SPTBN1: variants seen among roughly 807,000 people sequenced by gnomAD.
The protein encoded by SPTBN1 is spectrin beta chain, non-erythrocytic 1.
Under a neutral mutation model 266.4 loss-of-function variants are expected in SPTBN1, and 32 were observed. The ratio of observed to expected loss-of-function variants is 0.12; its 90% confidence interval spans 0.09 to 0.16. The LOEUF is 0.16. Ranked by LOEUF, SPTBN1 falls within the 10% of genes least tolerant of loss-of-function variation. The probability of loss-of-function intolerance (pLI) is 1.00; values close to 1 mark genes in which losing one functional copy is unlikely to be tolerated. For missense variants in SPTBN1, 2,296 were observed against 3,067.1 expected, an observed-to-expected ratio of 0.75 and a Z score of 5.94; for synonymous variants, 1,336 against 1,162.2, an observed-to-expected ratio of 1.15 and a Z score of -3.04.
chr2:54,581,343 C>G (rs554227050), intron 2 of SPTBN1, among the ~76,000 whole-genome samples: 92 of 152,194 alleles, frequency 6.0e-4, no homozygotes, highest in African/African-American at 2.1e-3. Flanking sequence ...AGGGGATGCT[C>G]TAAATTGAGG....
rs1043089265 is a variant in SPTBN1 at position 54,645,108 on chromosome 2, G to T, written c.4270-121G>T. The stretch of plus-strand genomic sequence containing the variant: ...AAAGCAAGTCAGTGGCAAAATGTTT[G>T]AGTGGCTCCCATGGCTGGCTTTGCG... On this transcript the variant is annotated intron_variant, in intron 20 of 35. Transcript: ENST00000356805. This position sits in a 1 kb window ranked among gnomAD's most constrained non-coding sequence, Gnocchi z 4.3. The T allele has an allele frequency of 2.1e-6, 2 of 953,760 alleles. No homozygotes were observed. The highest frequency in any genetic ancestry group is 2.5e-5 in the East Asian group (1 of 40,306). The allele number at this position is 953,760 out of a possible 1,614,324, so 59.1% of individuals were successfully genotyped here.
chr2:54,522,697 G>GAGAGAGAGAGAAAGAGAGAGAA (rs1553439438), intron 1 of SPTBN1, among the ~76,000 whole-genome samples: 1 of 97,270 alleles, frequency 1.0e-5, no homozygotes, highest in African/African-American at 4.1e-5. Context: ...GAGAGAGAGA[G>GAGAGAGAGAGAAAGAGAGAGAA]AGAAAGAAAG....
chr2:54,508,759 G>T (rs1434690712), intron 1 of SPTBN1, among the ~76,000 whole-genome samples: 3 of 152,160 alleles, frequency 2.0e-5, no homozygotes, highest in Non-Finnish European at 4.4e-5. Context: ...TGCTTTTTTA[G>T]CTATCTTATC....
intron 2 of SPTBN1, among the ~76,000 whole-genome samples, chr2:54,556,951 G>C (rs1032028719): frequency 6.6e-6 from 1 of 152,136 alleles, no homozygotes; most frequent in African/African-American, 2.4e-5. Flanking sequence ...CTTTTTCCAA[G>C]ACCAAGTGTT....
At chr2:54,578,639 A>G (rs11892443) in intron 2 of SPTBN1, among the ~76,000 whole-genome samples, 48,059 of 151,842 alleles carry the variant, frequency 0.32, 9,402 homozygotes, top group African/African-American at 0.56. Context: ...GTTCCCATTC[A>G]TTATGATCTA....
intron 2 of SPTBN1, among the ~76,000 whole-genome samples, chr2:54,559,691 A>C (rs1395971403): frequency 6.6e-6 from 1 of 152,160 alleles, no homozygotes; most frequent in Admixed American, 6.5e-5. Flanking sequence ...CAGAGCTTAT[A>C]CATGAAAAAA....
chr2:54,606,398 CTTTG>C (rs928966940), intron 3 of SPTBN1, among the ~76,000 whole-genome samples: 14 of 152,296 alleles, frequency 9.2e-5, no homozygotes, highest in Admixed American at 2.6e-4. Context: ...CATGAAGACA[CTTTG>C]TTTGTGATGG....
chr2:54,635,756 G>A (rs547219443), intron 17 of SPTBN1, among the ~76,000 whole-genome samples: 1 of 152,258 alleles, frequency 6.6e-6, no homozygotes, highest in South Asian at 2.1e-4. Context: ...TTGACTACTG[G>A]CAGGACTCCT....
Position 54,623,488 on chromosome 2 carries a change from G to C in SPTBN1, c.1074G>C (p.Glu358Asp). 6.2e-7 allele frequency: 1 copy of C among 1,614,018 alleles called. No homozygotes were observed. Among genetic ancestry groups the C allele is most frequent in the Non-Finnish European group, 8.5e-7 (1 of 1,179,908 alleles). Residue 358 changes from glutamate (E) to aspartate (D), a missense_variant, in exon 10 of 36, where the codon GAG becomes GAC. Physicochemically the swap from Glu to Asp is conservative, Grantham distance 45. This residue lies in a region of SPTBN1 where 148 missense variants were observed against 203.8 expected (regional missense o/e 0.73). Transcript: ENST00000356805. ...TTTCCCCTGTGTTTAGATTTACTGA[G>C]AAGGGGAACTTGGAAGTGCTGCTCT... ...RTVEKPPKFT[E>D]KGNLEVLLFT...
intron 2 of SPTBN1, among the ~76,000 whole-genome samples, chr2:54,581,488 C>A (rs1674898448): frequency 6.6e-6 from 1 of 151,842 alleles, no homozygotes; most frequent in Non-Finnish European, 1.5e-5. Context: ...CTTCCACTGC[C>A]TCTGGGCTGC....
Position 54,670,879 on chromosome 2 carries a change from G to A in SPTBN1, c.*2310G>A, listed in dbSNP as rs1056803445. On this transcript the variant is annotated 3_prime_UTR_variant, in exon 36 of 36. Coordinates refer to ENST00000356805, the MANE Select transcript of SPTBN1 (RefSeq NM_003128.3). The stretch of plus-strand genomic sequence containing the variant: ...AGCGTCAGAAGACCCCAGTCAAGAC[G>A]TGTTCGCCATCAGAGGTTACAGGCC... The A allele has an allele frequency of 7.5e-6, 3 of 398,344 alleles. No individual in the cohort carries two copies. Among genetic ancestry groups the A allele is most frequent in the Middle Eastern group, 6.2e-4 (1 of 1,610 alleles). The allele number at this position is 398,344 out of a possible 1,614,324, so 24.7% of individuals were successfully genotyped here.
At chr2:54,575,437 A>G (rs565577912) in intron 2 of SPTBN1, among the ~76,000 whole-genome samples, 1 of 152,274 alleles carries the variant, frequency 6.6e-6, no homozygotes, top group Non-Finnish European at 1.5e-5. Flanking sequence ...TGATGTTGCA[A>G]GAGCGTAACA....
intron 1 of SPTBN1, among the ~76,000 whole-genome samples, chr2:54,498,633 A>G (rs1461904201): frequency 2.0e-5 from 3 of 152,240 alleles, no homozygotes; most frequent in Non-Finnish European, 4.4e-5. Context: ...AAATAACGCA[A>G]CTATATATAC....
intron 2 of SPTBN1, among the ~76,000 whole-genome samples, chr2:54,565,865 A>G (rs1436903888): frequency 1.3e-5 from 2 of 152,256 alleles, no homozygotes; most frequent in African/African-American, 2.4e-5. Context: ...ACTTCTACAT[A>G]TAAATGAACA....
chr2:54,664,628 A>T lies in SPTBN1; in HGVS notation c.6596A>T (p.Gln2199Leu). 6.2e-7 allele frequency: 1 copy of T among 1,614,218 alleles called. No individual in the cohort carries two copies. The change falls in exon 33 of 36, where the codon CAG (glutamine) becomes CTG (leucine). Residue 2199 changes from glutamine to leucine, a missense_variant. Transcript: ENST00000356805. The surrounding 1 kb of genome is among the most constrained non-coding windows in gnomAD (Gnocchi z 5.6). ...AGAACCCAGGAGACACCTTCGGCCC[A>T]GATGGAAGGCTTCCTCAATCGGAAA... ...PARTQETPSA[Q>L]MEGFLNRKHE...
At chr2:54,608,202 A>T (rs62134704) in intron 3 of SPTBN1, among the ~76,000 whole-genome samples, 403 of 152,344 alleles carry the variant, frequency 2.6e-3, no homozygotes, top group Non-Finnish European at 4.0e-3. Flanking sequence ...ACCCCTGAGA[A>T]TATAGAAGTA....
At chr2:54,485,750 G>A (rs1387842301) in intron 1 of SPTBN1, among the ~76,000 whole-genome samples, 18 of 150,568 alleles carry the variant, frequency 1.2e-4, no homozygotes, top group Non-Finnish European at 8.9e-5. Context: ...AGTGAGGAGC[G>A]CCTCTTCCCG....
chr2:54,662,028 A>G (rs1681082655), intron 32 of SPTBN1: 1 of 985,356 alleles, frequency 1.0e-6, no homozygotes, highest in African/African-American at 1.7e-5. Context: ...TGCTTCGTGC[A>G]CTTTGAATAC....
At chr2:54,534,983 C>A (rs1231944102) in intron 2 of SPTBN1, 2 of 152,204 alleles carry the variant, frequency 1.3e-5, no homozygotes, top group Admixed American at 1.3e-4. Context: ...TAGCCTTTGT[C>A]TGAACTCCTC....
Sources: allele counts gnomAD v4.1 joint callset (sites outside exome capture counted in the v4.1 genomes callset), GRCh38; gene constraint gnomAD v4.1.1; regional missense constraint gnomAD v4.1.1; non-coding constraint Gnocchi (gnomAD v3.1); transcripts MANE v1.5; gene names NCBI Gene and HGNC (gene_info 2026-07-23, HGNC 2026-07-21).